The following NDRG3 variants were observed in gnomAD, a reference collection of about 807,000 sequenced individuals.
NDRG3 encodes protein NDRG3.
A neutral mutation model predicts 57.2 loss-of-function variants in NDRG3; 23 were observed. That is an observed-to-expected ratio of 0.40 (90% CI 0.29 to 0.57). NDRG3 has a LOEUF of 0.57. Ranked by LOEUF, NDRG3 falls within the 20% of genes least tolerant of loss-of-function variation. NDRG3 has a pLI of 0.42. For missense variants in NDRG3, 384 were observed against 457.3 expected (o/e 0.84, Z 1.46); for synonymous variants, 132 against 162.6 (o/e 0.81, Z 1.43).
intron 2 of NDRG3, among the ~76,000 whole-genome samples, chr20:36,708,067 G>C (rs1983647421): frequency 6.6e-6 from 1 of 151,332 alleles, no homozygotes; most frequent in Non-Finnish European, 1.5e-5. Context: ...CTGGGCAACA[G>C]AGTGAGACTC....
intron 2 of NDRG3, among the ~76,000 whole-genome samples, chr20:36,708,647 C>CAA (rs746647555): frequency 0.028 from 1,775 of 62,410 alleles, 25 homozygotes; most frequent in Non-Finnish European, 0.037. Context: ...GACTCCGTCT[C>CAA]AAAAAAAAAA....
intron 1 of NDRG3, among the ~76,000 whole-genome samples, chr20:36,725,567 A>G (rs555803946): frequency 6.7e-6 from 1 of 149,294 alleles, no homozygotes; most frequent in Admixed American, 6.8e-5. Flanking sequence ...GCACCACTGC[A>G]CTCCAGCCTG....
At chr20:36,676,424 T>G (rs1980712086) in intron 8 of NDRG3, among the ~76,000 whole-genome samples, 1 of 152,186 alleles carries the variant, frequency 6.6e-6, no homozygotes, top group African/African-American at 2.4e-5. Flanking sequence ...GGTTCAAAAC[T>G]TTTTCTAACC....
intron 1 of NDRG3, among the ~76,000 whole-genome samples, chr20:36,733,162 AAAAAAAAAAATAT>A (rs1403227863): frequency 3.8e-4 from 20 of 52,088 alleles, no homozygotes; most frequent in African/African-American, 2.0e-3. Flanking sequence ...AAAAAAAAAA[AAAAAAAAAAATAT>A]ATATATATAT....
intron 2 of NDRG3, among the ~76,000 whole-genome samples, chr20:36,709,690 G>A (rs1983755127): frequency 6.6e-6 from 1 of 152,178 alleles, no homozygotes; most frequent in Admixed American, 6.5e-5. Context: ...ACTATGAGAA[G>A]CAAAAGAAAG....
At chr20:36,700,431 T>A (rs768342428) in intron 3 of NDRG3, 3 of 527,202 alleles carry the variant, frequency 5.7e-6, no homozygotes, top group Non-Finnish European at 1.2e-5. Flanking sequence ...AAGGAAGCAC[T>A]CACCTCCATG....
intron 8 of NDRG3, among the ~76,000 whole-genome samples, chr20:36,674,533 A>G (rs925130399): frequency 1.4e-5 from 2 of 146,984 alleles, no homozygotes; most frequent in African/African-American, 5.1e-5. Context: ...ATCACTAACT[A>G]CCTTTCAAAA....
Position 36,721,675 on chromosome 20 carries a change from T to C in NDRG3, c.57+4A>G. 1 of 1,589,468 alleles carries C rather than the reference T, an allele frequency of 6.3e-7. No homozygotes were observed. Among genetic ancestry groups the C allele is most frequent in the Non-Finnish European group, 8.6e-7 (1 of 1,161,228 alleles). On this transcript the variant is annotated splice_donor_region_variant and intron_variant, in intron 2 of 15. Transcript: ENST00000349004. ...TATTTTAGTGAAAACAGAAAAGTCT[T>C]TACCTTATCATTTAGAAGTGGTTTG...
intron 13 of NDRG3, among the ~76,000 whole-genome samples, chr20:36,657,475 C>G (rs541465006): frequency 4.7e-5 from 7 of 149,362 alleles, no homozygotes; most frequent in African/African-American, 1.5e-4. Flanking sequence ...GCGACAGAGT[C>G]CGTCTCCAGG....
At chr20:36,676,812 TGGCTGCTGCCATCACGCTGTGTGGCTGG>T (rs1193853842) in intron 8 of NDRG3, among the ~76,000 whole-genome samples, 1 of 152,246 alleles carries the variant, frequency 6.6e-6, no homozygotes, top group African/African-American at 2.4e-5. Flanking sequence ...GTGATGGCAG[TGGCTGCTGCCATCACGCTGTGTGGCTGG>T]GGCTGCACAC....
intron 8 of NDRG3, among the ~76,000 whole-genome samples, chr20:36,676,570 C>A (rs1224371545): frequency 6.6e-6 from 1 of 152,192 alleles, no homozygotes; most frequent in East Asian, 1.9e-4. Context: ...TCAAGCAATT[C>A]TCCTGCCTCA....
chr20:36,688,386 A>C (rs949280030), intron 4 of NDRG3, among the ~76,000 whole-genome samples: 1 of 152,134 alleles, frequency 6.6e-6, no homozygotes, highest in African/African-American at 2.4e-5. Flanking sequence ...AAAAAAAAAA[A>C]CAGAGTACAG....
chr20:36,721,563 T>C (rs1984594867), intron 2 of NDRG3, 116 bp downstream of exon 2: 5 of 641,300 alleles, frequency 7.8e-6, no homozygotes, highest in Non-Finnish European at 1.1e-5. Flanking sequence ...AAGTATTCCT[T>C]TCATTGAAAG....
intron 1 of NDRG3, among the ~76,000 whole-genome samples, chr20:36,737,263 A>C (rs1827583108): frequency 6.6e-6 from 1 of 152,132 alleles, no homozygotes; most frequent in Admixed American, 6.5e-5. Context: ...GCAGAAGCAC[A>C]ACCCCCTGCC....
At chr20:36,704,834 C>T (rs1379152415) in intron 3 of NDRG3, among the ~76,000 whole-genome samples, 1 of 152,128 alleles carries the variant, frequency 6.6e-6, no homozygotes, top group African/African-American at 2.4e-5. Context: ...CAAGGTGAGT[C>T]TCATCTGTTC....
intron 1 of NDRG3, among the ~76,000 whole-genome samples, chr20:36,725,034 G>A (rs549567375): frequency 2.0e-5 from 3 of 150,770 alleles, no homozygotes; most frequent in South Asian, 4.2e-4. Flanking sequence ...AGTGGCTCAC[G>A]CCTGTAATCC....
chr20:36,725,934 T>C (rs912330027), intron 1 of NDRG3, among the ~76,000 whole-genome samples: 4 of 150,568 alleles, frequency 2.7e-5, no homozygotes, highest in Non-Finnish European at 5.9e-5. Flanking sequence ...TCCTTTTTTT[T>C]TTTTTTTTTT....
rs1293509771 is a variant in NDRG3 at position 36,682,593 on chromosome 20, TAAC to T, written c.384-18_384-16del. ...TGCTTTTCAGGCTGTGAATGGGACA[TAAC>T]GACAACTGACAGAGTCAACTTCATT... is the stretch of plus-strand genomic sequence containing the variant. On this transcript the variant is annotated splice_polypyrimidine_tract_variant and intron_variant, in intron 6 of 15. Coordinates refer to ENST00000349004, the MANE Select transcript of NDRG3 (RefSeq NM_032013.4). The T allele has an allele frequency of 1.2e-6, 2 of 1,611,492 alleles. No individual in the cohort carries two copies. Among genetic ancestry groups the T allele is most frequent in the African/African-American group, 2.7e-5 (2 of 74,894 alleles).
intron 1 of NDRG3, among the ~76,000 whole-genome samples, chr20:36,739,399 A>G (rs1985799802): frequency 6.6e-6 from 1 of 150,734 alleles, no homozygotes; most frequent in Admixed American, 6.6e-5. Flanking sequence ...GTGAGCCGGG[A>G]TCGCCCCACT....
Sources: gnomAD v4.1 joint callset for allele counts (sites outside exome capture counted in the v4.1 genomes callset) on GRCh38, gnomAD v4.1.1 for gene constraint, MANE v1.5 for transcripts, NCBI Gene and HGNC (gene_info 2026-07-23, HGNC 2026-07-21) for gene names.